Variants in AGBL4 observed in about 807,000 individuals in gnomAD.
The protein encoded by AGBL4 is AGBL carboxypeptidase 4, also known as cytosolic carboxypeptidase 6.
AGBL4 carries 58 observed loss-of-function variants against 66.4 expected under a neutral mutation model. The ratio of observed to expected loss-of-function variants is 0.87; its 90% CI spans 0.71 to 1.09. AGBL4 has a LOEUF of 1.09. Among genes scored for constraint, AGBL4 ranks in the 50% least tolerant of loss-of-function variants. The pLI is 0.00. For synonymous variants in AGBL4, 234 were observed against 222.9 expected (o/e 1.05, Z -0.44); for missense variants, 579 against 631.0 (o/e 0.92, Z 0.88).
At chr1:49,060,581 G>C (rs1232178005) in intron 4 of AGBL4, among the ~76,000 whole-genome samples, 4 of 152,102 alleles carry the variant, frequency 2.6e-5, no homozygotes, top group Non-Finnish European at 4.4e-5. Flanking sequence ...AAGAGGGGGT[G>C]GGGGAGTGGT....
chr1:48,957,220 T>A (rs770723411), intron 5 of AGBL4, among the ~76,000 whole-genome samples: 1 of 152,198 alleles, frequency 6.6e-6, no homozygotes, highest in Non-Finnish European at 1.5e-5. Context: ...TCAAACTGTA[T>A]ATAAGTGGCA....
At chr1:49,282,359 T>C (rs995760948) in intron 3 of AGBL4, among the ~76,000 whole-genome samples, 17 of 152,260 alleles carry the variant, frequency 1.1e-4, no homozygotes, top group African/African-American at 3.9e-4. Flanking sequence ...ATGAGGCTCT[T>C]TGTCTCAAAA....
intron 6 of AGBL4, among the ~76,000 whole-genome samples, chr1:48,852,969 T>A (rs1000150243): frequency 6.6e-6 from 1 of 152,200 alleles, no homozygotes; most frequent in Non-Finnish European, 1.5e-5. Context: ...AGTATTCACA[T>A]CCTTGTCTAG....
chr1:48,734,193 G>A (rs979821177), intron 6 of AGBL4, among the ~76,000 whole-genome samples: 2 of 152,148 alleles, frequency 1.3e-5, no homozygotes, highest in Non-Finnish European at 2.9e-5. Flanking sequence ...CAATTAATCC[G>A]GAGTCAGCCA....
intron 5 of AGBL4, among the ~76,000 whole-genome samples, chr1:49,028,243 G>C (rs1663892329): frequency 6.6e-6 from 1 of 152,146 alleles, no homozygotes; most frequent in Non-Finnish European, 1.5e-5. Flanking sequence ...GGACACTTCA[G>C]GGGGCAGAGC....
At chr1:48,677,088 C>T (rs115250329) in intron 6 of AGBL4, among the ~76,000 whole-genome samples, 3,041 of 152,196 alleles carry the variant, frequency 0.02, 104 homozygotes, top group African/African-American at 0.068. Flanking sequence ...GATCAGAAGC[C>T]CCAGTAAGTG....
At chr1:49,429,948 G>A (rs920397239) in intron 3 of AGBL4, among the ~76,000 whole-genome samples, 1 of 151,324 alleles carries the variant, frequency 6.6e-6, no homozygotes, top group Non-Finnish European at 1.5e-5. Flanking sequence ...GGGCTCAAGC[G>A]ATCCTCCTAC....
intron 1 of AGBL4, among the ~76,000 whole-genome samples, chr1:49,957,068 G>T (rs975858861): frequency 2.6e-5 from 4 of 151,898 alleles, no homozygotes; most frequent in Non-Finnish European, 5.9e-5. Context: ...GGTAAAAGCA[G>T]AAAAGTCAAC....
intron 6 of AGBL4, chr1:48,742,546 A>C: frequency 1.5e-6 from 2 of 1,321,428 alleles, no homozygotes; most frequent in Non-Finnish European, 2.0e-6. Context: ...CGATTTGGAA[A>C]GCTCCCACCA....
rs139205698 is a variant in AGBL4, at chr1:48,727,910, C to T, written c.635-64669G>A. On this transcript the variant is annotated intron_variant, in intron 6 of 13. Transcript: ENST00000371839. ...TTTATTGCAAATTGTATTTTGCTTC[C>T]CTTCGTTCTTCATTTTTACAGGATT... is the stretch of plus-strand genomic sequence containing the variant. 881 of 1,604,314 alleles carry T rather than the reference C, an allele frequency of 5.5e-4. 1 individual carries two copies. Among genetic ancestry groups the T allele is most frequent in the Non-Finnish European group, 5.6e-4 (654 of 1,173,694 alleles).
chr1:48,650,974 T>C (rs1000951202), intron 8 of AGBL4, among the ~76,000 whole-genome samples: 1 of 152,240 alleles, frequency 6.6e-6, no homozygotes, highest in Non-Finnish European at 1.5e-5. Context: ...ACCATGGAAG[T>C]ACTGCTGTAG....
At chr1:49,975,647 C>T (rs1018561514) in intron 1 of AGBL4, among the ~76,000 whole-genome samples, 1 of 152,180 alleles carries the variant, frequency 6.6e-6, no homozygotes, top group Admixed American at 6.5e-5. Context: ...ATCAAAGAGA[C>T]CACATTTGAA....
chr1:49,440,522 G>A (rs889940723), intron 3 of AGBL4, among the ~76,000 whole-genome samples: 6 of 152,296 alleles, frequency 3.9e-5, no homozygotes, highest in Non-Finnish European at 7.4e-5. Flanking sequence ...TTGACCATAT[G>A]TGGAGAACCA....
At chr1:49,471,595 C>T (rs1646746493) in intron 3 of AGBL4, among the ~76,000 whole-genome samples, 1 of 151,520 alleles carries the variant, frequency 6.6e-6, no homozygotes, top group Non-Finnish European at 1.5e-5. Context: ...CTTTTTGCCT[C>T]AAAGATGCAA....
chr1:49,102,747 TAGA>T lies in AGBL4; in HGVS notation c.378-56950_378-56948del, dbSNP rs1645226305. On this transcript the variant is annotated intron_variant, in intron 4 of 13. Transcript: ENST00000371839. ...ATAATATCCATTGAAAATCTAGGCT[TAGA>T]AAGGTTAACTGAGTTGTGACAAGCC... 4.6e-5 allele frequency among the ~76,000 whole-genome samples: 7 copies of T among 152,268 alleles called. No individual in the cohort carries two copies. In the South Asian group the frequency reaches 1.4e-3, roughly 32 times the overall value.
intron 1 of AGBL4, among the ~76,000 whole-genome samples, chr1:49,874,475 T>A (rs777593647): frequency 2.6e-5 from 4 of 152,158 alleles, no homozygotes; most frequent in African/African-American, 9.7e-5. Context: ...ATAAAGTTTA[T>A]CTTTCAATGC....
intron 5 of AGBL4, among the ~76,000 whole-genome samples, chr1:48,889,665 A>T (rs1650727158): frequency 6.6e-6 from 1 of 152,198 alleles, no homozygotes; most frequent in Non-Finnish European, 1.5e-5. Flanking sequence ...TAAGTATTTC[A>T]TAAATCTATA....
chr1:49,472,602 A>G (rs1646766782), intron 3 of AGBL4, among the ~76,000 whole-genome samples: 1 of 152,034 alleles, frequency 6.6e-6, no homozygotes, highest in South Asian at 2.1e-4. Flanking sequence ...ACTGAAAATA[A>G]TTCAAAGTTG....
chr1:48,721,351 G>C (rs1647146038), intron 6 of AGBL4, among the ~76,000 whole-genome samples: 1 of 152,166 alleles, frequency 6.6e-6, no homozygotes, highest in Non-Finnish European at 1.5e-5. Context: ...GCTGGCCATA[G>C]CTGCAGGTGG....
Sources: allele counts gnomAD v4.1 joint callset (sites outside exome capture counted in the v4.1 genomes callset), GRCh38; gene constraint gnomAD v4.1.1; transcripts MANE v1.5; gene names NCBI Gene and HGNC (gene_info 2026-07-23, HGNC 2026-07-21).